Variants in GPR158 observed in about 807,000 individuals in gnomAD.
GPR158 encodes metabotropic glycine receptor.
In GPR158, 30 loss-of-function variants were observed where a neutral mutation model predicts 78.2. The ratio of observed to expected loss-of-function variants is 0.38; its 90% CI spans 0.29 to 0.52. The LOEUF (loss-of-function observed/expected upper bound fraction) is 0.52. Among genes scored for constraint, GPR158 ranks in the 20% least tolerant of loss-of-function variants. GPR158 has a pLI of 0.83. For synonymous variants in GPR158, 581 were observed against 591.1 expected (o/e 0.98, Z 0.25); for missense variants, 1,463 against 1,523.5 (o/e 0.96, Z 0.66).
Position 25,598,747 on chromosome 10 carries a change from A to T in GPR158, c.3121A>T (p.Thr1041Ser), listed in dbSNP as rs1837449121. The change falls in exon 11 of 11, where the codon ACT becomes TCT. Residue 1041 changes from threonine (T) to serine (S), a missense_variant. Transcript: ENST00000376351. Reference protein sequence around the residue: ...IVASEMEKNPTFSLKEKSHHK... With the variant: ...IVASEMEKNPSFSLKEKSHHK... Reference sequence around the variant, plus strand: ...GGCTTCTGAAATGGAGAAAAACCCCACTTTTTCCTTAAAGGAGAAATCTCA... The same window carrying T: ...GGCTTCTGAAATGGAGAAAAACCCCTCTTTTTCCTTAAAGGAGAAATCTCA... 1.9e-6 allele frequency: 3 copies of T among 1,613,880 alleles called. No homozygotes were observed. The highest frequency in any genetic ancestry group is 1.3e-5 in the African/African-American group (1 of 74,868).
At chr10:25,235,804 C>T (rs11014448) in intron 2 of GPR158, among the ~76,000 whole-genome samples, 21,344 of 149,788 alleles carry the variant, frequency 0.14, 1,945 homozygotes, top group East Asian at 0.33. Context: ...TCACGCCATT[C>T]TCCTGCCTCA....
At chr10:25,314,549 G>A (rs563945833) in intron 2 of GPR158, among the ~76,000 whole-genome samples, 1 of 151,464 alleles carries the variant, frequency 6.6e-6, no homozygotes, top group South Asian at 2.1e-4. Context: ...GAAATGAGGA[G>A]TTTGATTTAT....
chr10:25,391,857 A>C lies in GPR158; in HGVS notation c.1009-4054A>C, dbSNP rs149528560. Among the ~76,000 whole-genome samples, 18 of 152,222 alleles carry C rather than the reference A, an allele frequency of 1.2e-4. No homozygotes were observed. In the East Asian group the frequency reaches 3.5e-3, roughly 30 times the overall value. ...ATGTCCCCACCCAAATCTCATCTTG[A>C]ATTGTTCCTATCCTAATCCCCATAT... On this transcript the variant is annotated intron_variant, in intron 2 of 10. Coordinates refer to ENST00000376351, the MANE Select transcript of GPR158 (RefSeq NM_020752.3).
rs1836071834 is a variant in GPR158, at chr10:25,510,588, G to GGTGGT, written c.1405-40385_1405-40381dup. On this transcript the variant is annotated intron_variant, in intron 5 of 10. Coordinates refer to ENST00000376351, the MANE Select transcript of GPR158 (RefSeq NM_020752.3). ...TATTTCAATAGTTTTTTGGGGAACA[G>GGTGGT]GTGGTGTTTGTTTACATGAATAAGT... Among the ~76,000 whole-genome samples, 3 of 152,210 alleles carry GGTGGT rather than the reference G, an allele frequency of 2.0e-5. 1 individual carries two copies. The South Asian group carries it at 6.2e-4, about 32-fold the overall frequency.
At chr10:25,442,836 T>C (rs1835086398) in intron 4 of GPR158, among the ~76,000 whole-genome samples, 1 of 152,272 alleles carries the variant, frequency 6.6e-6, no homozygotes, top group South Asian at 2.1e-4. Context: ...TTTCTTCCAC[T>C]GATTGTTATA....
intron 5 of GPR158, among the ~76,000 whole-genome samples, chr10:25,516,426 T>A (rs1836175144): frequency 6.6e-6 from 1 of 152,142 alleles, no homozygotes. Context: ...TTTGGTGTTT[T>A]GGACGTGAAG....
In GPR158 at chr10:25,175,225, C is replaced by A; in HGVS notation, c.-196C>A. The A allele has an allele frequency of 1.9e-6, 1 of 516,282 alleles. No individual in the cohort carries two copies. Among genetic ancestry groups the A allele is most frequent in the Non-Finnish European group, 3.4e-6 (1 of 294,682 alleles). The allele number at this position is 516,282 out of a possible 1,614,324, so 32.0% of individuals were successfully genotyped here. A position where few individuals can be genotyped will look rare whatever the true frequency, so the allele number is the denominator to read the frequency against. On this transcript the variant is annotated 5_prime_UTR_variant, in exon 1 of 11. Coordinates refer to ENST00000376351, the MANE Select transcript of GPR158 (RefSeq NM_020752.3). The surrounding 1 kb of genome is among the most constrained non-coding windows in gnomAD (Gnocchi z 6.4). ...GCACGGCCAGCGCTGCCACAGGTGACTTGATTTCTGCGACGGTAGCTTAGC... is the reference window on the plus strand; with the variant it reads ...GCACGGCCAGCGCTGCCACAGGTGAATTGATTTCTGCGACGGTAGCTTAGC...
At chr10:25,527,469 TAAAC>T (rs1015369617) in intron 5 of GPR158, among the ~76,000 whole-genome samples, 59 of 152,220 alleles carry the variant, frequency 3.9e-4, no homozygotes, top group African/African-American at 1.3e-3. Flanking sequence ...ATTTGGAAAT[TAAAC>T]AATTTTTAAA....
At chr10:25,551,245 A>G (rs1836721519) in intron 6 of GPR158, among the ~76,000 whole-genome samples, 160 bp downstream of exon 6, 2 of 152,216 alleles carry the variant, frequency 1.3e-5, no homozygotes, top group African/African-American at 4.8e-5. Flanking sequence ...CATCTTTTGG[A>G]TTCTTCAGGG....
At chr10:25,431,866 G>A (rs541760743) in intron 4 of GPR158, among the ~76,000 whole-genome samples, 1 of 152,216 alleles carries the variant, frequency 6.6e-6, no homozygotes, top group East Asian at 1.9e-4. Context: ...TTGTGGGGTT[G>A]GGGGAGGGAT....
chr10:25,339,169 T>C lies in GPR158; in HGVS notation c.1009-56742T>C, dbSNP rs573402898. Among the ~76,000 whole-genome samples the C allele has an allele frequency of 4.6e-5, 7 of 151,956 alleles. No homozygotes were observed. In the East Asian group the frequency reaches 1.4e-3, roughly 30 times the overall value. ...CTGGCCAGCTTTAAAATTTATTTTATACAGATGGGGTCTTGCTATGTTGCC... is the reference window on the plus strand; with the variant it reads ...CTGGCCAGCTTTAAAATTTATTTTACACAGATGGGGTCTTGCTATGTTGCC... On this transcript the variant is annotated intron_variant, in intron 2 of 10. Transcript: ENST00000376351.
chr10:25,261,800 G>T (rs1853972213), intron 2 of GPR158, among the ~76,000 whole-genome samples: 1 of 152,112 alleles, frequency 6.6e-6, no homozygotes, highest in South Asian at 2.1e-4. Flanking sequence ...AATAGAAAGG[G>T]AGAAGATAAA....
intron 5 of GPR158, among the ~76,000 whole-genome samples, chr10:25,533,330 A>C (rs1442855192): frequency 6.6e-6 from 1 of 152,196 alleles, no homozygotes; most frequent in African/African-American, 2.4e-5. Context: ...CCTTAAGAAA[A>C]AAATCATTCA....
chr10:25,338,509 C>T (rs1460463889), intron 2 of GPR158, among the ~76,000 whole-genome samples: 11 of 115,398 alleles, frequency 9.5e-5, no homozygotes, highest in Non-Finnish European at 1.9e-4. Flanking sequence ...ATATATATTA[C>T]GTATAATATA....
At chr10:25,390,824 A>T (rs758478972) in intron 2 of GPR158, among the ~76,000 whole-genome samples, 1 of 152,204 alleles carries the variant, frequency 6.6e-6, no homozygotes, top group Non-Finnish European at 1.5e-5. Context: ...CACCAAGACA[A>T]TGGTGAAAAA....
intron 5 of GPR158, among the ~76,000 whole-genome samples, chr10:25,546,960 C>T (rs541458429): frequency 2.2e-4 from 33 of 152,100 alleles, no homozygotes; most frequent in Non-Finnish European, 4.1e-4. Context: ...GATCAGCTAG[C>T]TCCAAGTGTG....
At chr10:25,488,033 A>G (rs1403532682) in intron 5 of GPR158, among the ~76,000 whole-genome samples, 1 of 152,168 alleles carries the variant, frequency 6.6e-6, no homozygotes, top group Non-Finnish European at 1.5e-5. Flanking sequence ...GGCTGCGAGT[A>G]CCAAGGAACA....
intron 3 of GPR158, among the ~76,000 whole-genome samples, chr10:25,400,138 T>C (rs1812053492): frequency 6.6e-6 from 1 of 152,210 alleles, no homozygotes; most frequent in East Asian, 1.9e-4. Flanking sequence ...AATATTTCAT[T>C]ATATTAGGTT....
chr10:25,275,513 A>C (rs889974238), intron 2 of GPR158, among the ~76,000 whole-genome samples: 3 of 152,040 alleles, frequency 2.0e-5, no homozygotes, highest in Admixed American at 1.3e-4. Context: ...CTTTTCCAAC[A>C]CCCTTCTTTC....
Sources: gnomAD v4.1 joint callset for allele counts (sites outside exome capture counted in the v4.1 genomes callset) on GRCh38, gnomAD v4.1.1 for gene constraint, Gnocchi (gnomAD v3.1) non-coding constraint, MANE v1.5 for transcripts, NCBI Gene and HGNC (gene_info 2026-07-23, HGNC 2026-07-21) for gene names.